The following SMOC1 variants were observed in gnomAD, a reference collection of about 807,000 sequenced individuals.
SMOC1 encodes the protein SPARC related modular calcium binding 1, also known as SPARC-related modular calcium-binding protein 1.
Under a neutral mutation model 56.3 loss-of-function variants are expected in SMOC1, and 22 were observed. The observed-to-expected ratio is 0.39, with a 90% CI of 0.28 to 0.56. The LOEUF is 0.56. Among genes scored for constraint, SMOC1 ranks in the 20% least tolerant of loss-of-function variants. The pLI is 0.61. For missense variants in SMOC1, 509 were observed against 565.4 expected (o/e 0.90, Z 1.01); for synonymous variants, 193 against 215.0 (o/e 0.90, Z 0.89).
At chr14:69,905,806 G>T (rs1303116124) in intron 1 of SMOC1, among the ~76,000 whole-genome samples, 1 of 152,192 alleles carries the variant, frequency 6.6e-6, no homozygotes, top group African/African-American at 2.4e-5. Flanking sequence ...CAGAAATTAG[G>T]TGGTGTCATG....
intron 5 of SMOC1, among the ~76,000 whole-genome samples, chr14:69,983,253 A>G (rs902477251): frequency 6.6e-6 from 1 of 152,238 alleles, no homozygotes; most frequent in Non-Finnish European, 1.5e-5. Context: ...AAAGCCTCTT[A>G]GACATAAATT....
chr14:69,978,109 C>G, intron 5 of SMOC1, 144 bp downstream of exon 5: 2 of 747,492 alleles, frequency 2.7e-6, no homozygotes, highest in South Asian at 2.9e-5. Flanking sequence ...CATGTTTCCT[C>G]TCTGAAGCAC....
intron 7 of SMOC1, among the ~76,000 whole-genome samples, chr14:70,001,448 A>G (rs1884966244): frequency 6.6e-6 from 1 of 152,180 alleles, no homozygotes; most frequent in Non-Finnish European, 1.5e-5. Context: ...GGAGTATTTT[A>G]TCACTGACAT....
chr14:69,903,698 A>T (rs2139331316), intron 1 of SMOC1, among the ~76,000 whole-genome samples: 1 of 152,230 alleles, frequency 6.6e-6, no homozygotes, highest in East Asian at 1.9e-4. Flanking sequence ...CAGATGCTTG[A>T]AGGCAGCATG....
At chr14:70,024,487 A>C (rs1409141969) in intron 11 of SMOC1, among the ~76,000 whole-genome samples, 1 of 152,168 alleles carries the variant, frequency 6.6e-6, no homozygotes, top group African/African-American at 2.4e-5. Flanking sequence ...TGGCCCACAA[A>C]GCCTAAAATA....
At chr14:69,990,850 T>C (rs1290766276) in intron 5 of SMOC1, among the ~76,000 whole-genome samples, 1 of 152,216 alleles carries the variant, frequency 6.6e-6, no homozygotes, top group Non-Finnish European at 1.5e-5. Context: ...GAGTTGGGTC[T>C]TGGTGTCAGT....
rs1279694018 is a variant in SMOC1, at chr14:70,031,839, T to A, written c.*1581T>A. 1 of 152,338 alleles carries A rather than the reference T, an allele frequency of 6.6e-6. No individual in the cohort carries two copies. Among genetic ancestry groups the A allele is most frequent in the Non-Finnish European group, 1.5e-5 (1 of 68,130 alleles). 9.4% of individuals were successfully genotyped at this position (152,338 alleles called of 1,614,324 possible). A position where few individuals can be genotyped will look rare whatever the true frequency, so the allele number is the denominator to read the frequency against. On this transcript the variant is annotated 3_prime_UTR_variant, in exon 12 of 12. Transcript: ENST00000361956. Reference sequence around the variant, plus strand: ...GTTGGGTAGCCCTGGACTGGTCCCCTCCTCAGATCACCCTTGCAAATCTGG... The same window carrying A: ...GTTGGGTAGCCCTGGACTGGTCCCCACCTCAGATCACCCTTGCAAATCTGG...
intron 1 of SMOC1, among the ~76,000 whole-genome samples, chr14:69,903,998 TG>T (rs938117238): frequency 3.3e-5 from 5 of 152,054 alleles, no homozygotes; most frequent in Non-Finnish European, 7.4e-5. Flanking sequence ...CACATGTCAG[TG>T]AGGTCGTCTC....
chr14:70,017,542 TC>T lies in SMOC1; in HGVS notation c.1046+4052del, dbSNP rs1885562382. ...AGACTCTAGTAGTTAAAGCTGGACA[TC>T]AGCTGGGGCCAGGGAAACAGTCTCA... is the stretch of plus-strand genomic sequence containing the variant. On this transcript the variant is annotated intron_variant, in intron 10 of 11. Transcript: ENST00000361956. Among the ~76,000 whole-genome samples the T allele has an allele frequency of 2.6e-5, 4 of 152,148 alleles. No homozygotes were observed. The South Asian group carries it at 8.3e-4, about 32-fold the overall frequency.
At chr14:69,939,351 A>C (rs1285072294) in intron 1 of SMOC1, among the ~76,000 whole-genome samples, 1 of 152,188 alleles carries the variant, frequency 6.6e-6, no homozygotes, top group East Asian at 1.9e-4. Flanking sequence ...TGTGAGATTT[A>C]TTCACTATCA....
chr14:69,995,713 G>A (rs897645078), intron 7 of SMOC1, among the ~76,000 whole-genome samples: 12 of 152,086 alleles, frequency 7.9e-5, no homozygotes, highest in Non-Finnish European at 1.3e-4. Context: ...TGTCTATATG[G>A]CACTCAACTG....
chr14:69,986,194 T>A (rs960084648), intron 5 of SMOC1, among the ~76,000 whole-genome samples: 64 of 152,240 alleles, frequency 4.2e-4, no homozygotes, highest in African/African-American at 1.4e-3. Context: ...TATAACAGTC[T>A]AGAAATGACA....
intron 3 of SMOC1, among the ~76,000 whole-genome samples, chr14:69,970,479 A>G (rs1241120238): frequency 6.6e-6 from 1 of 152,144 alleles, no homozygotes; most frequent in East Asian, 1.9e-4. Context: ...CTGTGCTGTT[A>G]TTAACTAGCT....
intron 1 of SMOC1, among the ~76,000 whole-genome samples, chr14:69,944,445 A>G (rs559047444): frequency 6.6e-6 from 1 of 152,280 alleles, no homozygotes; most frequent in African/African-American, 2.4e-5. Flanking sequence ...ACATGTATGG[A>G]TTGTTCTCCT....
chr14:69,886,376 A>G (rs1001611264), intron 1 of SMOC1, among the ~76,000 whole-genome samples: 3 of 152,240 alleles, frequency 2.0e-5, no homozygotes, highest in African/African-American at 4.8e-5. Context: ...TGCTTGTCAC[A>G]TTGTAAAGCA....
chr14:70,024,025 A>C (rs572800873), intron 11 of SMOC1, among the ~76,000 whole-genome samples: 1 of 152,216 alleles, frequency 6.6e-6, no homozygotes, highest in Admixed American at 6.5e-5. Flanking sequence ...AGGGAGTTTC[A>C]TGGGCCAGTC....
intron 1 of SMOC1, among the ~76,000 whole-genome samples, chr14:69,940,079 TC>T (rs1169983879): frequency 6.6e-6 from 1 of 152,194 alleles, no homozygotes. Flanking sequence ...CTTCTGCATC[TC>T]CCACTTTGTC....
chr14:70,014,275 C>A (rs1885434051), intron 10 of SMOC1, among the ~76,000 whole-genome samples: 1 of 152,096 alleles, frequency 6.6e-6, no homozygotes, highest in South Asian at 2.1e-4. Flanking sequence ...GTGGTGAGTG[C>A]TAGGACAGAG....
Position 70,004,083 on chromosome 14 carries a change from T to C in SMOC1, c.665-6671T>C, listed in dbSNP as rs144727625. Among the ~76,000 whole-genome samples the C allele has an allele frequency of 4.4e-3, 673 of 152,262 alleles. 5 individuals are homozygous for C. The highest frequency in any genetic ancestry group is 0.015 in the African/African-American group (642 of 41,556). On this transcript the variant is annotated intron_variant, in intron 7 of 11. Coordinates refer to ENST00000361956, the MANE Select transcript of SMOC1 (RefSeq NM_001034852.3). The stretch of plus-strand genomic sequence containing the variant: ...TAGTGTAAGGAACTCCCTGTCTGGA[T>C]GGCCAGAGTAGGCACCTTGGTTACC...
Sources: gnomAD v4.1 joint callset for allele counts (sites outside exome capture counted in the v4.1 genomes callset) on GRCh38, gnomAD v4.1.1 for gene constraint, MANE v1.5 for transcripts, NCBI Gene and HGNC (gene_info 2026-07-23, HGNC 2026-07-21) for gene names.